ZNF423: variants seen among roughly 807,000 people sequenced by gnomAD.
ZNF423 encodes Ebf-associated zinc finger protein.
In ZNF423, 12 loss-of-function variants were observed where a neutral mutation model predicts 95.8. That is an observed-to-expected ratio of 0.13 (90% CI 0.08 to 0.20). ZNF423 has a LOEUF of 0.20. ZNF423 is among the 10% of genes least tolerant of loss of function. ZNF423 has a pLI of 1.00. For synonymous variants in ZNF423, 749 were observed against 711.9 expected (o/e 1.05, Z -0.83); for missense variants, 1,316 against 1,737.1 (o/e 0.76, Z 4.31).
At chr16:49,569,160 G>T (rs543601708) in intron 5 of ZNF423, among the ~76,000 whole-genome samples, 1 of 152,120 alleles carries the variant, frequency 6.6e-6, no homozygotes, top group Non-Finnish European at 1.5e-5. Flanking sequence ...TCTTCAGGCC[G>T]CTATCTTTTC....
At chr16:49,606,915 G>A (rs1422047630) in intron 5 of ZNF423, among the ~76,000 whole-genome samples, 1 of 152,138 alleles carries the variant, frequency 6.6e-6, no homozygotes, top group Non-Finnish European at 1.5e-5. Flanking sequence ...GAGCCCACCG[G>A]GTGGGGGTCT....
intron 3 of ZNF423, among the ~76,000 whole-genome samples, chr16:49,688,488 G>A (rs1055182792): frequency 2.0e-5 from 3 of 152,196 alleles, no homozygotes; most frequent in African/African-American, 7.2e-5. Context: ...GGAACCTTCA[G>A]GAAGATGTCT....
At position 49,636,857 on chromosome 16, in the gene ZNF423, C is replaced by G. The variant is rs1345457565; in HGVS notation, c.2319G>C (p.Leu773=). 2 of 1,614,068 alleles carry G rather than the reference C, an allele frequency of 1.2e-6. No individual in the cohort carries two copies. Among genetic ancestry groups the G allele is most frequent in the South Asian group, 2.2e-5 (2 of 91,088 alleles). The change falls in exon 4 of 8, where the codon CTG becomes CTC. Residue 773 remains leucine (L), a synonymous_variant. Transcript: ENST00000563137. This position sits in a 1 kb window ranked among gnomAD's most constrained non-coding sequence, Gnocchi z 8.6. ...GGTGGCTGTGTTTGACGTGCACCTGCAGGTCAGCCTCCTTGCGGAAGTCCC... is the reference window on the plus strand; with the variant it reads ...GGTGGCTGTGTTTGACGTGCACCTGGAGGTCAGCCTCCTTGCGGAAGTCCC... ...CNWDFRKEAD[L]QVHVKHSHLG...
intron 1 of ZNF423, among the ~76,000 whole-genome samples, chr16:49,837,973 G>C (rs1567366549): frequency 6.6e-6 from 1 of 152,212 alleles, no homozygotes; most frequent in African/African-American, 2.4e-5. Context: ...TTTATTGTCT[G>C]TCTTGCTACT....
intron 3 of ZNF423, among the ~76,000 whole-genome samples, chr16:49,644,915 G>A (rs901745646): frequency 2.0e-5 from 3 of 152,208 alleles, no homozygotes; most frequent in Admixed American, 6.5e-5. Flanking sequence ...GGGGCAACGG[G>A]CAGAGAGTCC....
intron 1 of ZNF423, among the ~76,000 whole-genome samples, chr16:49,816,400 C>T (rs1424891028): frequency 6.6e-6 from 1 of 152,132 alleles, no homozygotes; most frequent in Non-Finnish European, 1.5e-5. Flanking sequence ...GTACTTTTCC[C>T]TATAAAGCAA....
chr16:49,699,562 T>C (rs2032098930), intron 3 of ZNF423, among the ~76,000 whole-genome samples: 2 of 152,184 alleles, frequency 1.3e-5, no homozygotes, highest in Non-Finnish European at 2.9e-5. Flanking sequence ...GCCATCTGAT[T>C]TGGCAAATAG....
At chr16:49,730,493 T>A in intron 3 of ZNF423, 1 of 494,952 alleles carries the variant, frequency 2.0e-6, no homozygotes, top group African/African-American at 1.9e-5. Flanking sequence ...AGGGTGCACA[T>A]CCACCCATTC....
intron 5 of ZNF423, among the ~76,000 whole-genome samples, chr16:49,593,144 C>T (rs1465571141): frequency 1.3e-5 from 2 of 152,170 alleles, no homozygotes; most frequent in South Asian, 4.1e-4. Context: ...TCATCCCCAC[C>T]CCAAAGAGCC....
At chr16:49,583,431 A>G (rs1326355410) in intron 5 of ZNF423, among the ~76,000 whole-genome samples, 3 of 152,358 alleles carry the variant, frequency 2.0e-5, no homozygotes, top group Middle Eastern at 6.8e-3. Flanking sequence ...TTCCCATTCT[A>G]TAAGAAATGT....
chr16:49,517,741 C>T (rs1202065136), intron 7 of ZNF423: 1 of 283,782 alleles, frequency 3.5e-6, no homozygotes, highest in African/African-American at 2.3e-5. Context: ...ATCCTTTCTC[C>T]ACCCTATGGC....
intron 2 of ZNF423, among the ~76,000 whole-genome samples, chr16:49,788,755 G>A (rs1306295409): frequency 6.6e-6 from 1 of 152,228 alleles, no homozygotes; most frequent in Non-Finnish European, 1.5e-5. Flanking sequence ...TGCCGGACAG[G>A]GAGCCAGGGG....
chr16:49,535,183 G>C (rs987973710), intron 5 of ZNF423, among the ~76,000 whole-genome samples: 5 of 152,192 alleles, frequency 3.3e-5, no homozygotes, highest in African/African-American at 1.2e-4. Flanking sequence ...AGAGATCGGG[G>C]CCCAGCCTGG....
intron 1 of ZNF423, among the ~76,000 whole-genome samples, chr16:49,810,283 T>C (rs2034731243): frequency 2.6e-5 from 4 of 152,058 alleles, no homozygotes; most frequent in Non-Finnish European, 2.9e-5. Flanking sequence ...CACACCCTTC[T>C]TACCTCCTGA....
At chr16:49,814,389 G>A (rs1174038102) in intron 1 of ZNF423, among the ~76,000 whole-genome samples, 3 of 151,792 alleles carry the variant, frequency 2.0e-5, no homozygotes, top group African/African-American at 7.2e-5. Flanking sequence ...GGGGTGGGCT[G>A]TGCCAGGATA....
chr16:49,855,495 T>C lies in ZNF423; in HGVS notation c.40+240A>G, dbSNP rs996420528. Among the ~76,000 whole-genome samples, 1 of 144,590 alleles carries C rather than the reference T, an allele frequency of 6.9e-6. No individual in the cohort carries two copies. Among genetic ancestry groups the C allele is most frequent in the Middle Eastern group, 3.4e-3 (1 of 290 alleles). The allele number at this position is 144,590 out of a possible 152,430, so 94.9% of individuals were successfully genotyped here. A position where few individuals can be genotyped will look rare whatever the true frequency, so the allele number is the denominator to read the frequency against. Reference sequence around the variant, plus strand: ...GCGCCGAGTCCGGGCAGGGAGGGTGTCCGCGGCGTACCCCCTCCGCCGCCG... The same window carrying C: ...GCGCCGAGTCCGGGCAGGGAGGGTGCCCGCGGCGTACCCCCTCCGCCGCCG... On this transcript the variant is annotated intron_variant, in intron 1 of 7. Transcript: ENST00000563137. This position sits in a 1 kb window ranked among gnomAD's most constrained non-coding sequence, Gnocchi z 4.7.
chr16:49,621,654 G>A (rs1053495147), intron 5 of ZNF423, among the ~76,000 whole-genome samples: 1 of 152,158 alleles, frequency 6.6e-6, no homozygotes, highest in Admixed American at 6.5e-5. Flanking sequence ...CACTAAGGGG[G>A]ACTTTTACCC....
intron 1 of ZNF423, among the ~76,000 whole-genome samples, chr16:49,814,597 C>T (rs747402238): frequency 4.6e-5 from 7 of 151,736 alleles, no homozygotes; most frequent in Non-Finnish European, 7.4e-5. Context: ...CTGAGAAGTA[C>T]AAAATTACTC....
chr16:49,774,207 C>G (rs1208411971), intron 2 of ZNF423, among the ~76,000 whole-genome samples: 1 of 152,190 alleles, frequency 6.6e-6, no homozygotes, highest in African/African-American at 2.4e-5. Context: ...CTCTTTGCTT[C>G]CTCTTTCCAC....
Sources: allele counts gnomAD v4.1 joint callset (sites outside exome capture counted in the v4.1 genomes callset), GRCh38; gene constraint gnomAD v4.1.1; non-coding constraint Gnocchi (gnomAD v3.1); transcripts MANE v1.5; gene names NCBI Gene and HGNC (gene_info 2026-07-23, HGNC 2026-07-21).